The following HMBOX1 variants were observed in gnomAD, a reference collection of about 807,000 sequenced individuals.
The protein encoded by HMBOX1 is homeobox containing 1, also known as homeobox-containing protein 1.
Under a neutral mutation model 54.5 loss-of-function variants are expected in HMBOX1, and 14 were observed. The ratio of observed to expected loss-of-function variants is 0.26; its 90% CI spans 0.17 to 0.40. The LOEUF is 0.40. HMBOX1 is among the 10% of genes least tolerant of loss of function. HMBOX1 has a pLI of 1.00. For missense variants in HMBOX1, 332 were observed against 514.4 expected, an observed-to-expected ratio of 0.65 and a Z score of 3.43; for synonymous variants, 160 against 181.0, an observed-to-expected ratio of 0.88 and a Z score of 0.93.
At chr8:29,026,211 C>T (rs1290079960) in intron 6 of HMBOX1, among the ~76,000 whole-genome samples, 1 of 152,186 alleles carries the variant, frequency 6.6e-6, no homozygotes, top group East Asian at 1.9e-4. Context: ...GTGTATTCCA[C>T]ATATTTGACT....
chr8:29,018,660 T>A, intron 5 of HMBOX1, 100 bp from the exon 6 acceptor site: 1 of 1,218,554 alleles, frequency 8.2e-7, no homozygotes. Context: ...AAGTTGTCAC[T>A]AAGCCAAAGA....
At position 28,890,632 on chromosome 8, in the gene HMBOX1, G is replaced by C. The variant is rs1349949931; in HGVS notation, c.-104G>C. 6.5e-6 allele frequency: 1 copy of C among 152,898 alleles called. No homozygotes were observed. The highest frequency in any genetic ancestry group is 2.4e-5 in the African/African-American group (1 of 41,460). 9.5% of individuals were successfully genotyped at this position (152,898 alleles called of 1,614,324 possible). A position where few individuals can be genotyped will look rare whatever the true frequency, so the allele number is the denominator to read the frequency against. ...TCTCAGCCCTTCGTACTGGGACGTTGGGGAGGGGGCTGTGCCGGGCGGAGA... is the reference window on the plus strand; with the variant it reads ...TCTCAGCCCTTCGTACTGGGACGTTCGGGAGGGGGCTGTGCCGGGCGGAGA... On this transcript the variant is annotated 5_prime_UTR_variant, in exon 1 of 10. Coordinates refer to ENST00000287701, the MANE Select transcript of HMBOX1 (RefSeq NM_001135726.3).
At chr8:29,042,844 ATTGT>A (rs995793887) in intron 6 of HMBOX1, 4 of 349,620 alleles carry the variant, frequency 1.1e-5, no homozygotes, top group Non-Finnish European at 2.3e-5. Context: ...ATAAACAGAG[ATTGT>A]TTTTGTTTTT....
intron 6 of HMBOX1, among the ~76,000 whole-genome samples, chr8:29,020,687 A>G (rs1348208490): frequency 2.6e-5 from 4 of 152,344 alleles, no homozygotes; most frequent in South Asian, 4.1e-4. Flanking sequence ...AAGCCTTTCA[A>G]AATACTTAAT....
rs10087516 is a variant in HMBOX1 at position 28,954,677 on chromosome 8, A to T, written c.-57-9134A>T. On this transcript the variant is annotated intron_variant, in intron 1 of 9. Transcript: ENST00000287701. ...GGGAGGCAATTTGACAAAATCTGTC[A>T]TAACTTAAAATGTATATACTCTGTC... Among the ~76,000 whole-genome samples the T allele has an allele frequency of 2.0e-3, 310 of 152,310 alleles. 2 individuals carry two copies. Among genetic ancestry groups the T allele is most frequent in the African/African-American group, 7.1e-3 (296 of 41,574 alleles).
chr8:29,049,132 A>C, intron 9 of HMBOX1, 84 bp downstream of exon 9: 6 of 1,274,670 alleles, frequency 4.7e-6, no homozygotes, highest in Non-Finnish European at 5.6e-6. Flanking sequence ...GGTGTGGCTG[A>C]TGGGGTGGGG....
At chr8:29,021,402 C>T (rs1270484647) in intron 6 of HMBOX1, among the ~76,000 whole-genome samples, 1 of 151,420 alleles carries the variant, frequency 6.6e-6, no homozygotes, top group Non-Finnish European at 1.5e-5. Context: ...AAAAGAAAAA[C>T]TTTGGAGGGA....
At chr8:28,984,949 A>G (rs1829953016) in intron 4 of HMBOX1, among the ~76,000 whole-genome samples, 1 of 152,214 alleles carries the variant, frequency 6.6e-6, no homozygotes, top group Non-Finnish European at 1.5e-5. Context: ...GAATTTTAAG[A>G]AATTTACCAT....
intron 8 of HMBOX1, 87 bp downstream of exon 8, chr8:29,047,540 C>A: frequency 4.5e-6 from 3 of 663,930 alleles, no homozygotes; most frequent in Non-Finnish European, 8.1e-6. Flanking sequence ...TTAGAAACTG[C>A]AAGTCTAAAG....
chr8:29,049,179 G>C, intron 9 of HMBOX1, 131 bp downstream of exon 9: 1 of 1,498,458 alleles, frequency 6.7e-7, no homozygotes, highest in Non-Finnish European at 9.0e-7. Context: ...CTCTGCTCCT[G>C]TGTCTAGTTA....
chr8:29,042,918 T>A (rs1805057829), intron 6 of HMBOX1, among the ~76,000 whole-genome samples: 1 of 152,164 alleles, frequency 6.6e-6, no homozygotes, highest in African/African-American at 2.4e-5. Context: ...AAGAACAAAC[T>A]ATTTTGAAGA....
At chr8:28,904,011 A>G (rs1348177540) in intron 1 of HMBOX1, among the ~76,000 whole-genome samples, 1 of 152,174 alleles carries the variant, frequency 6.6e-6, no homozygotes, top group Non-Finnish European at 1.5e-5. Flanking sequence ...CGCTCCCAAC[A>G]GATAATTCTC....
At chr8:28,982,181 C>T (rs563904189) in intron 4 of HMBOX1, among the ~76,000 whole-genome samples, 128 of 152,182 alleles carry the variant, frequency 8.4e-4, no homozygotes, top group South Asian at 1.0e-3. Context: ...TGCAGTGAGC[C>T]GAGATCGCGC....
chr8:29,052,994 ACCTTC>A lies in HMBOX1; in HGVS notation c.*1841_*1845del, dbSNP rs1806580270. The A allele has an allele frequency of 6.6e-6, 1 of 152,350 alleles. No homozygotes were observed. The highest frequency in any genetic ancestry group is 1.5e-5 in the Non-Finnish European group (1 of 68,028). 9.4% of individuals were successfully genotyped at this position (152,350 alleles called of 1,614,324 possible). A position where few individuals can be genotyped will look rare whatever the true frequency, so the allele number is the denominator to read the frequency against. The stretch of plus-strand genomic sequence containing the variant: ...AACTGTGAGAGAGAGAGACTGAATG[ACCTTC>A]CTCAGTTTTCCCTTTCTCATTCAGG... On this transcript the variant is annotated 3_prime_UTR_variant, in exon 10 of 10. Coordinates refer to ENST00000287701, the MANE Select transcript of HMBOX1 (RefSeq NM_001135726.3).
intron 1 of HMBOX1, among the ~76,000 whole-genome samples, chr8:28,945,712 C>G (rs1260616210): frequency 6.6e-6 from 1 of 151,922 alleles, no homozygotes; most frequent in Admixed American, 6.6e-5. Context: ...TTGAATTTAT[C>G]TAATAACAGT....
intron 1 of HMBOX1, among the ~76,000 whole-genome samples, chr8:28,928,004 G>A (rs1282012365): frequency 1.3e-5 from 2 of 151,816 alleles, no homozygotes; most frequent in East Asian, 3.9e-4. Context: ...GCGTGGTGGC[G>A]TGCACCTGTA....
At chr8:28,916,983 C>A (rs984583721) in intron 1 of HMBOX1, among the ~76,000 whole-genome samples, 1 of 150,692 alleles carries the variant, frequency 6.6e-6, no homozygotes, top group Admixed American at 6.7e-5. Flanking sequence ...GAGAGGAACA[C>A]TTGCGCCCAG....
intron 4 of HMBOX1, among the ~76,000 whole-genome samples, chr8:28,999,084 A>G (rs1264974071): frequency 2.6e-5 from 4 of 152,048 alleles, no homozygotes; most frequent in Admixed American, 2.6e-4. Context: ...TGTCACTCTT[A>G]TTTCTTCAGG....
At chr8:29,042,839 C>G in intron 6 of HMBOX1, 2 of 357,156 alleles carry the variant, frequency 5.6e-6, no homozygotes, top group Middle Eastern at 3.8e-4. Flanking sequence ...GAAAGATAAA[C>G]AGAGATTGTT....
Sources: gnomAD v4.1 joint callset for allele counts (sites outside exome capture counted in the v4.1 genomes callset) on GRCh38, gnomAD v4.1.1 for gene constraint, MANE v1.5 for transcripts, NCBI Gene and HGNC (gene_info 2026-07-23, HGNC 2026-07-21) for gene names.